Variants in CLASP2 observed in about 807,000 individuals in gnomAD.
The protein encoded by CLASP2 is cytoplasmic linker associated protein 2.
A neutral mutation model predicts 194.4 loss-of-function variants in CLASP2; 47 were observed. That is an observed-to-expected ratio of 0.24 (90% confidence interval 0.19 to 0.31). The LOEUF (loss-of-function observed/expected upper bound fraction) is 0.31. Among genes scored for constraint, CLASP2 ranks in the 10% least tolerant of loss-of-function variants. CLASP2 has a pLI of 1.00. For synonymous variants in CLASP2, 619 were observed against 633.5 expected (o/e 0.98, Z 0.34); for missense variants, 1,445 against 1,823.6 (o/e 0.79, Z 3.78).
intron 1 of CLASP2, among the ~76,000 whole-genome samples, chr3:33,712,478 C>T (rs1004113192): frequency 3.2e-4 from 48 of 152,106 alleles, no homozygotes; most frequent in African/African-American, 1.1e-3. Flanking sequence ...CCAAAAGCCA[C>T]CTGTACCCAC....
intron 34 of CLASP2, among the ~76,000 whole-genome samples, chr3:33,531,052 A>ACT (rs2056179267): frequency 6.6e-6 from 1 of 152,102 alleles, no homozygotes; most frequent in Non-Finnish European, 1.5e-5. Flanking sequence ...AAGCTAGAGG[A>ACT]CTCATACTTC....
intron 6 of CLASP2, among the ~76,000 whole-genome samples, chr3:33,667,884 A>G (rs1015001983): frequency 3.9e-5 from 6 of 152,200 alleles, no homozygotes; most frequent in Non-Finnish European, 8.8e-5. Flanking sequence ...TACTTTTTAA[A>G]AAATATTTGA....
chr3:33,627,155 A>G (rs2078192072), intron 9 of CLASP2, 75 bp from the exon 10 acceptor site: 3 of 840,018 alleles, frequency 3.6e-6, no homozygotes, highest in Non-Finnish European at 5.9e-6. Context: ...TGATGTTTAA[A>G]ATAATCTTTC....
chr3:33,590,060 T>G (rs1412663274), intron 21 of CLASP2, among the ~76,000 whole-genome samples: 7 of 152,116 alleles, frequency 4.6e-5, no homozygotes, highest in African/African-American at 1.7e-4. Context: ...TTAAAAATAA[T>G]AAGGATCATC....
chr3:33,667,266 G>A (rs1246347775), intron 6 of CLASP2, among the ~76,000 whole-genome samples: 1 of 151,770 alleles, frequency 6.6e-6, no homozygotes, highest in African/African-American at 2.4e-5. Flanking sequence ...ACAAAACATA[G>A]CTGGGTATGG....
intron 20 of CLASP2, 131 bp from the exon 21 acceptor site, chr3:33,592,627 A>G: frequency 1.3e-6 from 1 of 753,908 alleles, no homozygotes; most frequent in Non-Finnish European, 2.2e-6. Flanking sequence ...TACGGGTTCT[A>G]TTTCTCTTAA....
At chr3:33,709,881 T>C (rs577296808) in intron 1 of CLASP2, among the ~76,000 whole-genome samples, 3 of 152,344 alleles carry the variant, frequency 2.0e-5, no homozygotes, top group Admixed American at 6.5e-5. Flanking sequence ...GATTTAGAAA[T>C]GTGAACCCTG....
At chr3:33,611,400 C>T (rs2154265875) in intron 13 of CLASP2, among the ~76,000 whole-genome samples, 1 of 152,256 alleles carries the variant, frequency 6.6e-6, no homozygotes, top group South Asian at 2.1e-4. Flanking sequence ...ATGCAAAATA[C>T]CACTGTAATC....
chr3:33,609,195 G>C (rs1217408076), intron 13 of CLASP2, among the ~76,000 whole-genome samples: 1 of 151,656 alleles, frequency 6.6e-6, no homozygotes, highest in Non-Finnish European at 1.5e-5. Context: ...CAAGAGAATC[G>C]CTTGAACCTG....
intron 34 of CLASP2, among the ~76,000 whole-genome samples, chr3:33,521,694 G>A (rs931319382): frequency 6.6e-6 from 1 of 152,198 alleles, no homozygotes; most frequent in African/African-American, 2.4e-5. Context: ...GAGAGATTCT[G>A]GGAAGATGGT....
chr3:33,631,524 C>T (rs182082535), intron 9 of CLASP2, among the ~76,000 whole-genome samples: 150 of 152,036 alleles, frequency 9.9e-4, no homozygotes, highest in Non-Finnish European at 1.7e-3. Context: ...AGTGAAACCC[C>T]GTCTCTACTA....
At chr3:33,527,835 C>A (rs191733912) in intron 34 of CLASP2, among the ~76,000 whole-genome samples, 3 of 152,168 alleles carry the variant, frequency 2.0e-5, no homozygotes, top group Non-Finnish European at 2.9e-5. Flanking sequence ...TGGTGGCATG[C>A]ACCTGTAATC....
intron 31 of CLASP2, 50 bp from the exon 32 acceptor site, chr3:33,543,589 TAAAA>T: frequency 8.7e-7 from 1 of 1,143,738 alleles, no homozygotes; most frequent in East Asian, 2.3e-5. Context: ...TAAGTTCACT[TAAAA>T]AAACTCTTAA....
intron 1 of CLASP2, among the ~76,000 whole-genome samples, chr3:33,713,408 AAAC>A (rs1174403540): frequency 6.6e-6 from 1 of 152,230 alleles, no homozygotes; most frequent in Admixed American, 6.5e-5. Flanking sequence ...AAAGAATTAA[AAAC>A]AACCTGGATG....
At chr3:33,508,053 G>A (rs1377970651) in intron 37 of CLASP2, among the ~76,000 whole-genome samples, 2 of 151,538 alleles carry the variant, frequency 1.3e-5, no homozygotes, top group African/African-American at 2.4e-5. Flanking sequence ...GGAATGCAGT[G>A]GCATGATCAC....
At chr3:33,632,902 G>A (rs1167983583) in intron 8 of CLASP2, among the ~76,000 whole-genome samples, 1 of 152,152 alleles carries the variant, frequency 6.6e-6, no homozygotes, top group Non-Finnish European at 1.5e-5. Context: ...TATTCTTTCA[G>A]TTCTAAACCT....
intron 6 of CLASP2, among the ~76,000 whole-genome samples, chr3:33,670,704 C>T (rs1041721798): frequency 6.6e-6 from 1 of 152,136 alleles, no homozygotes; most frequent in Non-Finnish European, 1.5e-5. Context: ...GAAAACCTGA[C>T]CTGTAGTTAA....
chr3:33,663,489 T>C lies in CLASP2; in HGVS notation c.671A>G (p.Asp224Gly). ...ARLEMIFAKF[D>G]EVQSSGGMIL... ...CATACCGCCTGAACTTTGCACTTCA[T>C]CAAATTTGGCAAATATCATTTCTAA... The change falls in exon 7 of 39, where the codon GAT (aspartate) becomes GGT (glycine). Residue 224 changes from aspartate (D) to glycine (G), a missense_variant. Asp to Gly is a moderately conservative substitution (Grantham distance 94, BLOSUM62 -1). Coordinates refer to ENST00000682230, the MANE Select transcript of CLASP2 (RefSeq NM_001365631.1). The C allele has an allele frequency of 6.2e-7, 1 of 1,612,456 alleles. No homozygotes were observed. The highest frequency in any genetic ancestry group is 8.5e-7 in the Non-Finnish European group (1 of 1,178,994).
At chr3:33,614,558 G>A (rs895921116) in intron 12 of CLASP2, among the ~76,000 whole-genome samples, 1 of 152,106 alleles carries the variant, frequency 6.6e-6, no homozygotes, top group African/African-American at 2.4e-5. Flanking sequence ...TCACACAAAG[G>A]GACTGTCTTA....
Sources: gnomAD v4.1 joint callset for allele counts (sites outside exome capture counted in the v4.1 genomes callset) on GRCh38, gnomAD v4.1.1 for gene constraint, MANE v1.5 for transcripts, NCBI Gene and HGNC (gene_info 2026-07-23, HGNC 2026-07-21) for gene names.